LGMN: variants seen among roughly 807,000 people sequenced by gnomAD.
LGMN encodes the protein legumain, also known as asparaginyl endopeptidase.
In LGMN, 36 loss-of-function variants were observed where a neutral mutation model predicts 56.8. That is an observed-to-expected ratio of 0.63 (90% CI 0.49 to 0.84). LGMN has a LOEUF of 0.84. Among genes scored for constraint, LGMN ranks in the 40% least tolerant of loss-of-function variants. The pLI, the probability that LGMN is intolerant of heterozygous loss-of-function variation, is 0.00. For missense variants in LGMN, 446 were observed against 556.1 expected (o/e 0.80, Z 1.99); for synonymous variants, 199 against 210.1 (o/e 0.95, Z 0.46).
chr14:92,713,902 T>C lies in LGMN; in HGVS notation c.481-17A>G. On this transcript the variant is annotated splice_polypyrimidine_tract_variant and intron_variant, in intron 6 of 13. Transcript: ENST00000334869. The stretch of plus-strand genomic sequence containing the variant: ...TACATGAAGCTGAAAGGTGAGAATA[T>C]TGTCAGACCAACACATCAAGAGAAA... The C allele has an allele frequency of 6.3e-7, 1 of 1,591,816 alleles. No individual in the cohort carries two copies. The highest frequency in any genetic ancestry group is 8.6e-7 in the Non-Finnish European group (1 of 1,159,650).
chr14:92,707,237 A>G (rs1889481030), intron 11 of LGMN, among the ~76,000 whole-genome samples: 1 of 121,244 alleles, frequency 8.2e-6, no homozygotes, highest in Non-Finnish European at 1.7e-5. Context: ...ATTAAAATAA[A>G]AATCAAAAAA....
Position 92,716,067 on chromosome 14 carries a change from C to T in LGMN, c.404+69G>A, listed in dbSNP as rs1357492503. ...ACAGGCTAGGGGCACAGAACAACACCTGTTTCAATTCTCTATACGGGGGTC... is the reference window on the plus strand; with the variant it reads ...ACAGGCTAGGGGCACAGAACAACACTTGTTTCAATTCTCTATACGGGGGTC... On this transcript the variant is annotated intron_variant, in intron 5 of 13. Transcript: ENST00000334869. 10 of 1,036,256 alleles carry T rather than the reference C, an allele frequency of 9.7e-6. No homozygotes were observed. In the East Asian group the frequency reaches 1.5e-4, roughly 15 times the overall value. 64.2% of individuals were successfully genotyped at this position (1,036,256 alleles called of 1,614,324 possible).
chr14:92,709,791 G>A lies in LGMN; in HGVS notation c.901C>T (p.His301Tyr), dbSNP rs375443194. ...TCAGGGCTGGGGGTGAGGTCAAGGT[G>A]TGTGACTGGAGGTAGGGGGACGGGA... ...SSPVPLPPVT[H>Y]LDLTPSPDVP... The change falls in exon 11 of 14, where the codon CAC becomes TAC. Residue 301 changes from histidine to tyrosine, a missense_variant. By Grantham distance (83) the His-to-Tyr change is moderately conservative. Transcript: ENST00000334869. 11 of 1,613,950 alleles carry A rather than the reference G, an allele frequency of 6.8e-6. No individual in the cohort carries two copies. The African/African-American group carries it at 1.3e-4, about 20-fold the overall frequency.
At chr14:92,712,741 T>C (rs755972435) in intron 8 of LGMN, 64 bp downstream of exon 8, 6 of 1,461,508 alleles carry the variant, frequency 4.1e-6, no homozygotes, top group Middle Eastern at 1.7e-4. Context: ...CTCAGTTCCA[T>C]GTCAGCGGTG....
In LGMN at chr14:92,732,080, G is replaced by C. The variant is rs944639720; in HGVS notation, c.138+569C>G. 2.6e-5 allele frequency among the ~76,000 whole-genome samples: 4 copies of C among 152,296 alleles called. No individual in the cohort carries two copies. The East Asian group carries it at 7.7e-4, about 29-fold the overall frequency. ...TCCTGTCACCAGAGTCCTGGCCTCA[G>C]TCCTGTCTGGTCCCCACTTGCCATG... On this transcript the variant is annotated intron_variant, in intron 2 of 13. Coordinates refer to ENST00000334869, the MANE Select transcript of LGMN (RefSeq NM_005606.7).
intron 2 of LGMN, among the ~76,000 whole-genome samples, chr14:92,727,120 TATG>T (rs1197981495): frequency 6.6e-6 from 1 of 152,108 alleles, no homozygotes; most frequent in African/African-American, 2.4e-5. Flanking sequence ...TCGTCACAAC[TATG>T]ATGACAGAGT....
At chr14:92,708,029 T>C (rs1889533968) in intron 11 of LGMN, among the ~76,000 whole-genome samples, 1 of 151,806 alleles carries the variant, frequency 6.6e-6, no homozygotes, top group Non-Finnish European at 1.5e-5. Flanking sequence ...CGGGTGCCTG[T>C]AATCCCAGCT....
intron 1 of LGMN, among the ~76,000 whole-genome samples, chr14:92,738,463 A>T (rs1471234422): frequency 6.6e-6 from 1 of 151,448 alleles, no homozygotes; most frequent in Non-Finnish European, 1.5e-5. Flanking sequence ...TATTTTTAGT[A>T]GAGATGGGGT....
In LGMN at chr14:92,718,823, G is replaced by T; in HGVS notation, c.160C>A (p.Gln54Lys). 6.2e-6 allele frequency: 10 copies of T among 1,613,062 alleles called. No homozygotes were observed. The highest frequency in any genetic ancestry group is 7.6e-6 in the Non-Finnish European group (9 of 1,179,248). The change falls in exon 3 of 14, where the codon CAG (glutamine) becomes AAG (lysine). Residue 54 changes from glutamine to lysine, a missense_variant. Physicochemically the swap from Gln to Lys is moderately conservative, Grantham distance 53. Coordinates refer to ENST00000334869, the MANE Select transcript of LGMN (RefSeq NM_005606.7). ...GGAATCCCATTGCGGTGAATGATCT[G>T]GTAGGCATGGCACGCGTCTGCCTGG... ...RHQADACHAY[Q>K]IIHRNGIPDE...
chr14:92,733,282 C>A (rs1365875821), intron 1 of LGMN, among the ~76,000 whole-genome samples: 1 of 152,060 alleles, frequency 6.6e-6, no homozygotes, highest in Non-Finnish European at 1.5e-5. Context: ...CTATTTTTAG[C>A]TCTATTGCTC....
chr14:92,738,510 C>A (rs1891403651), intron 1 of LGMN, among the ~76,000 whole-genome samples: 1 of 151,482 alleles, frequency 6.6e-6, no homozygotes, highest in South Asian at 2.1e-4. Flanking sequence ...GATCTCCTGA[C>A]CTCATGATCT....
In LGMN at chr14:92,743,617, C is replaced by A. The variant is rs185532406; in HGVS notation, c.-30+4872G>T. 3.2e-3 allele frequency among the ~76,000 whole-genome samples: 492 copies of A among 151,660 alleles called. 2 individuals are homozygous for A. Among genetic ancestry groups the A allele is most frequent in the African/African-American group, 0.012 (477 of 41,338 alleles). On this transcript the variant is annotated intron_variant, in intron 1 of 13. Transcript: ENST00000334869. ...AGGAGTTCAAGACCAGCCTGGCCAA[C>A]ATGCGAAACCCCATCTCTACTAAAA...
chr14:92,742,337 G>A lies in LGMN; in HGVS notation c.-30+6152C>T, dbSNP rs575748455. Among the ~76,000 whole-genome samples, 59 of 123,692 alleles carry A rather than the reference G, an allele frequency of 4.8e-4. 1 individual carries two copies. The highest frequency in any genetic ancestry group is 1.5e-3 in the African/African-American group (45 of 30,968). 81.1% of individuals were successfully genotyped at this position (123,692 alleles called of 152,430 possible). On this transcript the variant is annotated intron_variant, in intron 1 of 13. Transcript: ENST00000334869. ...TTTTGAGACAGAGTCTCACTCTGTC[G>A]TCCAGAATGGAGTGCAATGGAGTGA... is the stretch of plus-strand genomic sequence containing the variant.
In LGMN at chr14:92,709,911, C is replaced by CGA. The variant is rs760406026; in HGVS notation, c.820-41_820-40dup. 33 of 1,511,702 alleles carry CGA rather than the reference C, an allele frequency of 2.2e-5. No individual in the cohort carries two copies. The Admixed American group carries it at 5.5e-4, about 25-fold the overall frequency. 93.6% of individuals were successfully genotyped at this position (1,511,702 alleles called of 1,614,324 possible). On this transcript the variant is annotated intron_variant, in intron 10 of 13. Transcript: ENST00000334869. Reference sequence around the variant, plus strand: ...CAGCAAGAGAGAGCGAGAGAGAAAGCGAGAGAGAGTGAGAGAAGGCCAGAG... The same window carrying CGA: ...CAGCAAGAGAGAGCGAGAGAGAAAGCGAGAGAGAGAGTGAGAGAAGGCCAGAG...
chr14:92,709,987 C>A (rs964298932), intron 10 of LGMN, 115 bp from the exon 11 acceptor site: 27 of 772,150 alleles, frequency 3.5e-5, no homozygotes, highest in Non-Finnish European at 4.5e-5. Flanking sequence ...AGGTGCCCAA[C>A]ATACCCCAAG....
intron 5 of LGMN, among the ~76,000 whole-genome samples, chr14:92,715,451 A>C (rs1890025370): frequency 2.0e-5 from 3 of 152,158 alleles, no homozygotes; most frequent in Admixed American, 2.0e-4. Context: ...CCTGATCTCA[A>C]GTGATCCGCC....
intron 3 of LGMN, among the ~76,000 whole-genome samples, chr14:92,717,682 GC>G (rs975652764): frequency 6.6e-6 from 1 of 152,196 alleles, no homozygotes; most frequent in Admixed American, 6.5e-5. Context: ...GAGGAGCTGA[GC>G]CCGAAAAGCC....
In LGMN at chr14:92,710,810, T is replaced by C. The variant is rs114806306; in HGVS notation, c.819+849A>G. ...CGTGTCACCTTTCCCTGGCCGTCCC[T>C]CTGCTCCAACTCTCTCCTACACCTG... On this transcript the variant is annotated intron_variant, in intron 10 of 13. Transcript: ENST00000334869. Among the ~76,000 whole-genome samples the C allele has an allele frequency of 6.6e-3, 1,004 of 152,262 alleles. 12 individuals are homozygous for C. The highest frequency in any genetic ancestry group is 0.023 in the African/African-American group (957 of 41,554).
intron 1 of LGMN, among the ~76,000 whole-genome samples, chr14:92,735,535 G>A (rs1891263856): frequency 6.6e-6 from 1 of 152,066 alleles, no homozygotes; most frequent in Non-Finnish European, 1.5e-5. Flanking sequence ...CAAGTGTCAG[G>A]TGACACTATG....
Sources: allele counts gnomAD v4.1 joint callset (sites outside exome capture counted in the v4.1 genomes callset), GRCh38; gene constraint gnomAD v4.1.1; transcripts MANE v1.5; gene names NCBI Gene and HGNC (gene_info 2026-07-23, HGNC 2026-07-21).